HEXB: variants seen among roughly 807,000 people sequenced by gnomAD.
The protein encoded by HEXB is hexosaminidase subunit beta, also known as beta-hexosaminidase subunit beta.
HEXB carries 51 observed loss-of-function variants against 71.2 expected under a neutral mutation model. The ratio of observed to expected loss-of-function variants is 0.72; its 90% CI spans 0.57 to 0.90. HEXB has a LOEUF of 0.90. Among genes scored for constraint, HEXB ranks in the 40% least tolerant of loss-of-function variants. The pLI is 0.00. For synonymous variants in HEXB, 266 were observed against 249.3 expected (o/e 1.07, Z -0.63); for missense variants, 617 against 677.0 (o/e 0.91, Z 0.98).
intron 1 of HEXB, among the ~76,000 whole-genome samples, chr5:74,672,867 G>C (rs1191307840): frequency 6.6e-6 from 1 of 152,190 alleles, no homozygotes; most frequent in African/African-American, 2.4e-5. Context: ...TTTTAAGAGG[G>C]GTAGGAGACA....
At position 74,715,466 on chromosome 5, in the gene HEXB, A is replaced by G. The variant is rs1217728642; in HGVS notation, c.902-44A>G. ...TCATGTGGAAAACCAGATCTTTATAATGAGTACACTTCTTTTAAAAAGAAT... is the reference window on the plus strand; with the variant it reads ...TCATGTGGAAAACCAGATCTTTATAGTGAGTACACTTCTTTTAAAAAGAAT... On this transcript the variant is annotated intron_variant, in intron 7 of 13. Coordinates refer to ENST00000261416, the MANE Select transcript of HEXB (RefSeq NM_000521.4). 4 of 1,313,486 alleles carry G rather than the reference A, an allele frequency of 3.0e-6. No individual in the cohort carries two copies. The South Asian group carries it at 3.6e-5, about 12-fold the overall frequency. The allele number at this position is 1,313,486 out of a possible 1,614,324, so 81.4% of individuals were successfully genotyped here.
chr5:74,716,849 AT>A, intron 9 of HEXB, 176 bp downstream of exon 9: 1 of 510,016 alleles, frequency 2.0e-6, no homozygotes, highest in Non-Finnish European at 3.6e-6. Flanking sequence ...GACTCCAAGT[AT>A]TTTCCAATAG....
At chr5:74,700,205 G>T (rs1580385723) in intron 5 of HEXB, among the ~76,000 whole-genome samples, 1 of 150,938 alleles carries the variant, frequency 6.6e-6, no homozygotes, top group Middle Eastern at 3.4e-3. Flanking sequence ...ACAGGGTTTT[G>T]CCATGTTGCC....
intron 1 of HEXB, among the ~76,000 whole-genome samples, chr5:74,659,783 T>G (rs187327644): frequency 6.6e-6 from 1 of 152,364 alleles, no homozygotes; most frequent in East Asian, 1.9e-4. Flanking sequence ...TGAAGTGCTC[T>G]TCTTCAACCC....
chr5:74,686,941 A>G (rs746978236), intron 1 of HEXB, among the ~76,000 whole-genome samples: 3 of 152,256 alleles, frequency 2.0e-5, no homozygotes, highest in Non-Finnish European at 2.9e-5. Flanking sequence ...AAGTAAAACA[A>G]GGACTTGGTA....
rs572806772 is a variant in HEXB at position 74,645,766 on chromosome 5, C to G, written c.-377+5208C>G. Among the ~76,000 whole-genome samples the G allele has an allele frequency of 7.2e-5, 11 of 152,304 alleles. No homozygotes were observed. The East Asian group carries it at 2.1e-3, about 29-fold the overall frequency. The stretch of plus-strand genomic sequence containing the variant: ...CAGGGCCTTTCAAGACAATTATCTT[C>G]ACAGCCTATTGTAGGTTATAGATTT... On this transcript the variant is annotated intron_variant, in intron 1 of 13. Transcript: ENST00000511181.
chr5:74,718,793 A>C lies in HEXB; in HGVS notation c.1243-4A>C. 6.2e-7 allele frequency: 1 copy of C among 1,614,076 alleles called. No individual in the cohort carries two copies. The highest frequency in any genetic ancestry group is 8.5e-7 in the Non-Finnish European group (1 of 1,179,936). On this transcript the variant is annotated splice_polypyrimidine_tract_variant and splice_region_variant and intron_variant, in intron 10 of 13. Coordinates refer to ENST00000261416, the MANE Select transcript of HEXB (RefSeq NM_000521.4). The stretch of plus-strand genomic sequence containing the variant: ...ATATGTATTGCAATTTGTAACGTTA[A>C]TAGCTTGCGCCGGGCACAATAGTTG...
chr5:74,705,552 T>C (rs951231904), intron 6 of HEXB: 2 of 506,562 alleles, frequency 3.9e-6, no homozygotes, highest in Middle Eastern at 5.5e-4. Flanking sequence ...CTTGGGGAAG[T>C]GTAAATCGAA....
intron 1 of HEXB, among the ~76,000 whole-genome samples, chr5:74,659,275 G>A (rs1748275451): frequency 6.6e-6 from 1 of 152,166 alleles, no homozygotes; most frequent in Admixed American, 6.5e-5. Context: ...GCAAAACTAA[G>A]AACAGAACAT....
rs1580353794 is a variant in HEXB, at chr5:74,641,413, C to G, written c.-377+855C>G. ...CACTCCCCAGTGGGTGCGGCACCCC[C>G]GGCTGGACTCTGCCCTAAGCCAGGC... On this transcript the variant is annotated intron_variant, in intron 1 of 13. Transcript: ENST00000511181. This position sits in a 1 kb window ranked among gnomAD's most constrained non-coding sequence, Gnocchi z 4.1. The G allele has an allele frequency of 6.6e-6, 1 of 152,296 alleles. No individual in the cohort carries two copies. Among genetic ancestry groups the G allele is most frequent in the Admixed American group, 6.5e-5 (1 of 15,292 alleles). 9.4% of individuals were successfully genotyped at this position (152,296 alleles called of 1,614,324 possible). A position where few individuals can be genotyped will look rare whatever the true frequency, so the allele number is the denominator to read the frequency against.
chr5:74,687,423 A>G (rs1009209649), intron 1 of HEXB, among the ~76,000 whole-genome samples: 1 of 152,234 alleles, frequency 6.6e-6, no homozygotes, highest in Non-Finnish European at 1.5e-5. Flanking sequence ...TTGCAGGCAG[A>G]GAGTTTGGCT....
intron 2 of HEXB, among the ~76,000 whole-genome samples, chr5:74,692,489 A>C (rs139916272): frequency 6.6e-6 from 1 of 152,334 alleles, no homozygotes; most frequent in Non-Finnish European, 1.5e-5. Flanking sequence ...CTCAACAACA[A>C]CACAAGAATT....
chr5:74,660,067 TG>T (rs1386262239), intron 1 of HEXB, among the ~76,000 whole-genome samples: 9 of 140,756 alleles, frequency 6.4e-5, no homozygotes, highest in Admixed American at 1.5e-4. Context: ...CCCTAATCTT[TG>T]TAAAAAAAAT....
upstream of HEXB, chr5:74,685,216 C>T (rs1343949434): frequency 2.7e-6 from 4 of 1,467,882 alleles, no homozygotes; most frequent in Non-Finnish European, 3.6e-6. Context: ...AGTCGGGTCC[C>T]GAGGCTCCGG....
At position 74,718,125 on chromosome 5, in the gene HEXB, G is replaced by A. The variant is rs1047609495; in HGVS notation, c.1170-166G>A. ...TTCTGTATCAAGTGCTAAAAAGGAG[G>A]AACTACTTGTGACACTTCCCAACTT... On this transcript the variant is annotated intron_variant, in intron 9 of 13. Transcript: ENST00000261416. Among the ~76,000 whole-genome samples the A allele has an allele frequency of 7.2e-5, 11 of 152,238 alleles. No individual in the cohort carries two copies. The South Asian group carries it at 1.2e-3, about 17-fold the overall frequency.
At chr5:74,712,738 T>C (rs528355669) in intron 6 of HEXB, among the ~76,000 whole-genome samples, 1 of 152,274 alleles carries the variant, frequency 6.6e-6, no homozygotes, top group African/African-American at 2.4e-5. Flanking sequence ...TATAAACTGG[T>C]AGTTGAATCT....
chr5:74,666,997 C>T (rs1443586043), intron 1 of HEXB, among the ~76,000 whole-genome samples: 1 of 152,110 alleles, frequency 6.6e-6, no homozygotes, highest in African/African-American at 2.4e-5. Flanking sequence ...TAGCCTCTGG[C>T]ATTAGAGACA....
At chr5:74,679,295 G>A (rs1245461353) in intron 1 of HEXB, among the ~76,000 whole-genome samples, 1 of 152,220 alleles carries the variant, frequency 6.6e-6, no homozygotes, top group Non-Finnish European at 1.5e-5. Context: ...TAGGCTTGAA[G>A]AGACTCACTT....
At chr5:74,696,804 C>A (rs1337755270) in intron 4 of HEXB, 65 bp downstream of exon 4, 1 of 885,190 alleles carries the variant, frequency 1.1e-6, no homozygotes, top group South Asian at 1.4e-5. Context: ...AAAAATGTAA[C>A]CTGTTTAGCT....
Sources: allele counts gnomAD v4.1 joint callset (sites outside exome capture counted in the v4.1 genomes callset), GRCh38; gene constraint gnomAD v4.1.1; non-coding constraint Gnocchi (gnomAD v3.1); transcripts MANE v1.5; gene names NCBI Gene and HGNC (gene_info 2026-07-23, HGNC 2026-07-21).